Variants in DDX21 observed in about 807,000 individuals in gnomAD.
The protein encoded by DDX21 is DExD-box helicase 21.
DDX21 carries 18 observed loss-of-function variants against 90.0 expected under a neutral mutation model. That is an observed-to-expected ratio of 0.20 (90% CI 0.14 to 0.30). The LOEUF is 0.30. DDX21 is among the 10% of genes least tolerant of loss of function. The pLI is 1.00. For missense variants in DDX21, 673 were observed against 944.5 expected (o/e 0.71, Z 3.77); for synonymous variants, 294 against 318.0 (o/e 0.92, Z 0.80).
chr10:68,971,831 A>G (rs767436786), intron 8 of DDX21, 60 bp from the exon 9 acceptor site: 6 of 1,548,580 alleles, frequency 3.9e-6, no homozygotes, highest in Non-Finnish European at 5.3e-6. Flanking sequence ...TAACTGATGA[A>G]GAGAAAAAGT....
Position 68,956,236 on chromosome 10 carries a change from A to G in DDX21, c.11A>G (p.Lys4Arg). The change falls in exon 1 of 15, where the codon AAA becomes AGA. Residue 4 changes from lysine to arginine, a missense_variant. Lys to Arg is a conservative substitution (Grantham distance 26, BLOSUM62 2). Around this residue, in one of 4 missense-constraint regions of DDX21, gnomAD observed 204 missense variants for 221.6 expected, o/e 0.92. Transcript: ENST00000354185. MPG[K>R]LRSDAGLESD... is the part of the protein sequence containing the mutation. ...CAACCTGCGCTGAAGATGCCGGGAA[A>G]ACTCCGTAGTGACGCTGGTTTGGAA... 1 of 1,614,106 alleles carries G rather than the reference A, an allele frequency of 6.2e-7. No homozygotes were observed. The highest frequency in any genetic ancestry group is 8.5e-7 in the Non-Finnish European group (1 of 1,180,010).
intron 8 of DDX21, among the ~76,000 whole-genome samples, 198 bp from the exon 9 acceptor site, chr10:68,971,693 G>GGATA (rs1817518638): frequency 6.6e-6 from 1 of 152,166 alleles, no homozygotes; most frequent in Non-Finnish European, 1.5e-5. Flanking sequence ...AAGTAAAGTT[G>GGATA]GATACAGTTG....
intron 2 of DDX21, among the ~76,000 whole-genome samples, chr10:68,960,624 G>C (rs774737652): frequency 6.6e-6 from 1 of 151,830 alleles, no homozygotes; most frequent in Non-Finnish European, 1.5e-5. Context: ...ATCACGCCTG[G>C]CTAATTTTTT....
intron 11 of DDX21, among the ~76,000 whole-genome samples, chr10:68,976,260 A>G (rs1843099345): frequency 6.7e-6 from 1 of 149,694 alleles, no homozygotes; most frequent in South Asian, 2.1e-4. Flanking sequence ...AAGAAAGAAG[A>G]CAGGGAAGGG....
intron 8 of DDX21, 37 bp downstream of exon 8, chr10:68,970,387 A>C: frequency 1.9e-5 from 30 of 1,590,306 alleles, no homozygotes; most frequent in Non-Finnish European, 2.3e-5. Context: ...AACTGGGGAT[A>C]TCAACAAATC....
chr10:68,956,422 C>A (rs969488470), intron 1 of DDX21, 110 bp downstream of exon 1: 9 of 1,532,530 alleles, frequency 5.9e-6, no homozygotes, highest in Non-Finnish European at 7.1e-6. Context: ...GATAACAGCG[C>A]GTCCAGACAC....
At chr10:68,978,559 A>G (rs1843140122) in intron 12 of DDX21, among the ~76,000 whole-genome samples, 1 of 152,210 alleles carries the variant, frequency 6.6e-6, no homozygotes, top group South Asian at 2.1e-4. Context: ...GCTGTAAGAA[A>G]TAATACAGAG....
intron 6 of DDX21, 88 bp from the exon 7 acceptor site, chr10:68,968,886 GAT>G: frequency 6.8e-7 from 1 of 1,462,598 alleles, no homozygotes; most frequent in Non-Finnish European, 9.3e-7. Context: ...GGTGAACATT[GAT>G]GGACTGTGGA....
intron 13 of DDX21, among the ~76,000 whole-genome samples, chr10:68,980,250 A>T (rs966958832): frequency 5.3e-5 from 8 of 152,028 alleles, no homozygotes; most frequent in African/African-American, 1.4e-4. Context: ...TAAAAAAAAA[A>T]TTTTATATAT....
intron 13 of DDX21, among the ~76,000 whole-genome samples, chr10:68,979,815 T>G (rs1385865741): frequency 6.6e-6 from 1 of 152,198 alleles, no homozygotes; most frequent in African/African-American, 2.4e-5. Flanking sequence ...GAGGATAAGA[T>G]CCTTCATGTC....
Position 68,960,034 on chromosome 10 carries a change from G to C in DDX21, c.316G>C (p.Val106Leu), listed in dbSNP as rs750986998. 19 of 1,603,894 alleles carry C rather than the reference G, an allele frequency of 1.2e-5. No homozygotes were observed. Among genetic ancestry groups the C allele is most frequent in the South Asian group, 1.1e-5 (1 of 87,484 alleles). Residue 106 changes from valine to leucine, a missense_variant, in exon 2 of 15, where the codon GTG becomes CTG. This residue lies in a region of DDX21 where 204 missense variants were observed against 221.6 expected (regional missense o/e 0.92). Coordinates refer to ENST00000354185, the MANE Select transcript of DDX21 (RefSeq NM_004728.4). ...RKKKEPIEKK[V>L]VSSKTKKVTK... Reference sequence around the variant, plus strand: ...GAAAAAGGAGCCCATTGAAAAGAAAGTGGTTTCTTCTAAAACCAAAAAAGT... The same window carrying C: ...GAAAAAGGAGCCCATTGAAAAGAAACTGGTTTCTTCTAAAACCAAAAAAGT...
chr10:68,959,396 A>G (rs1437844457), intron 1 of DDX21, among the ~76,000 whole-genome samples: 2 of 152,136 alleles, frequency 1.3e-5, no homozygotes, highest in African/African-American at 4.8e-5. Context: ...CGGGAGGCTG[A>G]GGCATGAGAA....
rs1843235715 is a variant in DDX21, at chr10:68,984,179, C to A, written c.*1367C>A. 1 of 152,222 alleles carries A rather than the reference C, an allele frequency of 6.6e-6. No individual in the cohort carries two copies. Among genetic ancestry groups the A allele is most frequent in the South Asian group, 2.1e-4 (1 of 4,830 alleles). The allele number at this position is 152,222 out of a possible 1,614,324, so 9.4% of individuals were successfully genotyped here. On this transcript the variant is annotated 3_prime_UTR_variant, in exon 15 of 15. Coordinates refer to ENST00000354185, the MANE Select transcript of DDX21 (RefSeq NM_004728.4). ...TATTTCTGTACTGAGAATCCTGGAA[C>A]TACTATGCTAGGAAATTTAAAGCTG...
At chr10:68,966,909 G>GTAGATA (rs1554840509) in intron 5 of DDX21, 109 bp from the exon 6 acceptor site, 1 of 801,836 alleles carries the variant, frequency 1.2e-6, no homozygotes, top group African/African-American at 1.8e-5. Flanking sequence ...CTTTGTACTT[G>GTAGATA]TAGGTATTTA....
chr10:68,957,957 T>C lies in DDX21; in HGVS notation c.87+1645T>C, dbSNP rs151270007. On this transcript the variant is annotated intron_variant, in intron 1 of 14. Coordinates refer to ENST00000354185, the MANE Select transcript of DDX21 (RefSeq NM_004728.4). Reference sequence around the variant, plus strand: ...GTTGTAGAGGGTCAGAAAGTTCAAATAGGAGCCACAGTCATCTGTCTTACT... The same window carrying C: ...GTTGTAGAGGGTCAGAAAGTTCAAACAGGAGCCACAGTCATCTGTCTTACT... 1.8e-4 allele frequency among the ~76,000 whole-genome samples: 27 copies of C among 152,274 alleles called. 2 individuals carry two copies. In the East Asian group the frequency reaches 3.7e-3, roughly 21 times the overall value.
At chr10:68,977,488 AC>A (rs1273205453) in intron 11 of DDX21, 40 bp from the exon 12 acceptor site, 10 of 1,523,190 alleles carry the variant, frequency 6.6e-6, no homozygotes, top group Middle Eastern at 1.8e-4. Flanking sequence ...AAATGTGTCC[AC>A]TTCTAGTATC....
rs759421230 is a variant in DDX21 at position 68,959,967 on chromosome 10, A to G, written c.249A>G (p.Pro83=). The stretch of plus-strand genomic sequence containing the variant: ...AAAAGGCAAAAAAGAAAGAGGAGCC[A>G]TCTCAAAATGACATTTCTCCTAAAA... ...KSKKAKKKEE[P]SQNDISPKTK... is the part of the protein sequence containing the mutation. The change falls in exon 2 of 15, where the codon CCA becomes CCG. Residue 83 remains proline, a synonymous_variant. Coordinates refer to ENST00000354185, the MANE Select transcript of DDX21 (RefSeq NM_004728.4). 2.5e-6 allele frequency: 4 copies of G among 1,610,680 alleles called. No homozygotes were observed. Among genetic ancestry groups the G allele is most frequent in the African/African-American group, 1.3e-5 (1 of 74,706 alleles).
intron 5 of DDX21, among the ~76,000 whole-genome samples, chr10:68,966,035 G>A (rs754867086): frequency 1.3e-5 from 2 of 151,632 alleles, no homozygotes; most frequent in Admixed American, 6.6e-5. Flanking sequence ...AGTGGCTCAC[G>A]CCTGTAATCC....
At position 68,983,698 on chromosome 10, in the gene DDX21, T is replaced by TAAAAAAAAAAAAAA. The variant is rs3086423; in HGVS notation, c.*894_*907dup. 3 of 111,234 alleles carry TAAAAAAAAAAAAAA rather than the reference T, an allele frequency of 2.7e-5. No individual in the cohort carries two copies. The highest frequency in any genetic ancestry group is 3.7e-5 in the Non-Finnish European group (2 of 54,608). The allele number at this position is 111,234 out of a possible 1,614,324, so 6.9% of individuals were successfully genotyped here. On this transcript the variant is annotated 3_prime_UTR_variant, in exon 15 of 15. Transcript: ENST00000354185. ...CAGATTAGCATTGCTCAAGAGTATG[T>TAAAAAAAAAAAAAA]AAAAAAAAAAAAAAAAAAAAAGAAC...
Sources: allele counts gnomAD v4.1 joint callset (sites outside exome capture counted in the v4.1 genomes callset), GRCh38; gene constraint gnomAD v4.1.1; regional missense constraint gnomAD v4.1.1; transcripts MANE v1.5; gene names NCBI Gene and HGNC (gene_info 2026-07-23, HGNC 2026-07-21).